Variants in MAGI1 observed in about 807,000 individuals in gnomAD.
MAGI1 encodes the protein membrane-associated guanylate kinase, WW and PDZ domain-containing protein 1.
MAGI1 carries 58 observed loss-of-function variants against 139.9 expected under a neutral mutation model. The ratio of observed to expected loss-of-function variants is 0.41; its 90% CI spans 0.34 to 0.52. The LOEUF is 0.52. MAGI1 is among the 20% of genes least tolerant of loss of function. MAGI1 has a pLI of 0.12. For missense variants in MAGI1, 1,874 were observed against 1,901.6 expected, an observed-to-expected ratio of 0.99 and a Z score of 0.27; for synonymous variants, 812 against 737.9, an observed-to-expected ratio of 1.10 and a Z score of -1.63.
chr3:65,410,040 A>C (rs1945661662), intron 12 of MAGI1, among the ~76,000 whole-genome samples: 1 of 152,232 alleles, frequency 6.6e-6, no homozygotes, highest in South Asian at 2.1e-4. Context: ...CTTTCACCTC[A>C]AAGTCACAAG....
chr3:65,841,408 TTTTTG>T (rs1407088822), intron 1 of MAGI1, among the ~76,000 whole-genome samples: 8 of 151,272 alleles, frequency 5.3e-5, no homozygotes, highest in Non-Finnish European at 7.4e-5. Flanking sequence ...TTTCTTTGTT[TTTTTG>T]TTTTGTTTTG....
intron 1 of MAGI1, among the ~76,000 whole-genome samples, chr3:65,948,434 C>T (rs2063645699): frequency 6.6e-6 from 1 of 152,082 alleles, no homozygotes; most frequent in African/African-American, 2.4e-5. Context: ...ATAAAAAACC[C>T]AATACATGTG....
intron 1 of MAGI1, among the ~76,000 whole-genome samples, chr3:65,862,643 G>C (rs2059593406): frequency 6.6e-6 from 1 of 152,098 alleles, no homozygotes; most frequent in Admixed American, 6.5e-5. Flanking sequence ...TTTCAGGCTT[G>C]GCTTATAAAA....
At chr3:65,732,326 C>T (rs2107737847) in intron 1 of MAGI1, among the ~76,000 whole-genome samples, 1 of 152,330 alleles carries the variant, frequency 6.6e-6, no homozygotes, top group South Asian at 2.1e-4. Flanking sequence ...CACAAACCCA[C>T]TTCTCATTAG....
At chr3:65,397,123 T>C (rs1575604742) in intron 13 of MAGI1, among the ~76,000 whole-genome samples, 1 of 152,194 alleles carries the variant, frequency 6.6e-6, no homozygotes, top group East Asian at 1.9e-4. Flanking sequence ...CTGTTTCTTC[T>C]TGTAGGCTGT....
chr3:65,758,646 C>T (rs1295189905), intron 1 of MAGI1, among the ~76,000 whole-genome samples: 1 of 152,118 alleles, frequency 6.6e-6, no homozygotes, highest in African/African-American at 2.4e-5. Context: ...ATGGAGGATG[C>T]TACTGGCATC....
chr3:65,677,766 G>A (rs932288127), intron 1 of MAGI1, among the ~76,000 whole-genome samples: 21 of 152,280 alleles, frequency 1.4e-4, no homozygotes, highest in African/African-American at 4.6e-4. Flanking sequence ...CACCTTGGCC[G>A]AACCCCAATC....
chr3:65,750,815 G>C (rs1160143789), intron 1 of MAGI1, among the ~76,000 whole-genome samples: 3 of 152,168 alleles, frequency 2.0e-5, no homozygotes, highest in Non-Finnish European at 4.4e-5. Context: ...TTGTAGGAAG[G>C]GCTCTTACAT....
intron 18 of MAGI1, 22 bp downstream of exon 18, chr3:65,375,723 A>G: frequency 6.4e-7 from 1 of 1,553,638 alleles, no homozygotes; most frequent in East Asian, 2.2e-5. Flanking sequence ...AGAGAGAGAG[A>G]GAGATAATAG....
intron 1 of MAGI1, among the ~76,000 whole-genome samples, chr3:65,842,938 C>G (rs4688608): frequency 0.47 from 71,379 of 151,870 alleles, 18,275 homozygotes; most frequent in East Asian, 0.77. Context: ...TGTCTCCTCA[C>G]CATAAATAAA....
intron 1 of MAGI1, among the ~76,000 whole-genome samples, chr3:65,722,626 C>T (rs1559820550): frequency 6.6e-6 from 1 of 151,976 alleles, no homozygotes; most frequent in East Asian, 1.9e-4. Context: ...GAGCGAGACC[C>T]TGTCTCAAAA....
intron 1 of MAGI1, among the ~76,000 whole-genome samples, chr3:65,883,254 C>A (rs898820713): frequency 6.6e-6 from 1 of 152,116 alleles, no homozygotes; most frequent in East Asian, 1.9e-4. Context: ...TTTTACTACA[C>A]AACAGTTATT....
At chr3:66,013,103 AAAG>A (rs1298497959) in intron 1 of MAGI1, among the ~76,000 whole-genome samples, 1 of 152,324 alleles carries the variant, frequency 6.6e-6, no homozygotes, top group East Asian at 1.9e-4. Context: ...CTGTTTTCCC[AAAG>A]AAGAACTTCA....
At chr3:65,465,143 T>C (rs535514322) in intron 5 of MAGI1, among the ~76,000 whole-genome samples, 35 of 151,330 alleles carry the variant, frequency 2.3e-4, no homozygotes, top group South Asian at 1.0e-3. Flanking sequence ...ATATTCTCTC[T>C]ACACACATTT....
chr3:65,899,277 C>A (rs185679569), intron 1 of MAGI1, among the ~76,000 whole-genome samples: 11 of 152,280 alleles, frequency 7.2e-5, no homozygotes, highest in Admixed American at 1.3e-4. Context: ...AATACATTCA[C>A]AGTGGAAAAA....
chr3:65,894,126 C>T (rs11715972), intron 1 of MAGI1, among the ~76,000 whole-genome samples: 1 of 152,112 alleles, frequency 6.6e-6, no homozygotes, highest in African/African-American at 2.4e-5. Context: ...AAAGAAGGAA[C>T]GAGACATCAC....
At chr3:65,970,096 C>T (rs909843741) in intron 1 of MAGI1, among the ~76,000 whole-genome samples, 1 of 152,096 alleles carries the variant, frequency 6.6e-6, no homozygotes, top group African/African-American at 2.4e-5. Flanking sequence ...ACCCACTGTC[C>T]ATCAACAGAT....
At position 65,571,361 on chromosome 3, in the gene MAGI1, T is replaced by A. The variant is rs1004275439; in HGVS notation, c.430+50611A>T. On this transcript the variant is annotated intron_variant, in intron 2 of 22. Transcript: ENST00000402939. ...GTGGAAGAAATAAATGCTCTTTAAA[T>A]GGTATTTTAAATGATGAATACATGT... Among the ~76,000 whole-genome samples, 21 of 152,128 alleles carry A rather than the reference T, an allele frequency of 1.4e-4. 1 individual carries two copies. The highest frequency in any genetic ancestry group is 1.3e-3 in the Admixed American group (20 of 15,266).
At chr3:65,700,334 C>A (rs1576793463) in intron 1 of MAGI1, among the ~76,000 whole-genome samples, 1 of 151,996 alleles carries the variant, frequency 6.6e-6, no homozygotes, top group African/African-American at 2.4e-5. Flanking sequence ...CCCAGCTACT[C>A]AGGAGGCTGA....
Sources: allele counts gnomAD v4.1 joint callset (sites outside exome capture counted in the v4.1 genomes callset), GRCh38; gene constraint gnomAD v4.1.1; transcripts MANE v1.5; gene names NCBI Gene and HGNC (gene_info 2026-07-23, HGNC 2026-07-21).